The following MACF1 variants were observed in gnomAD, a reference collection of about 807,000 sequenced individuals.
The protein encoded by MACF1 is microtubule actin crosslinking factor 1, also known as microtubule-actin cross-linking factor 1.
MACF1 carries 193 observed loss-of-function variants against 854.8 expected under a neutral mutation model. The observed-to-expected ratio is 0.23, with a 90% CI of 0.20 to 0.25. MACF1 has a LOEUF of 0.25. Among genes scored for constraint, MACF1 ranks in the 10% least tolerant of loss-of-function variants. The pLI is 1.00. For missense variants in MACF1, 7,722 were observed against 8,929.1 expected (o/e 0.86, Z 5.45); for synonymous variants, 3,185 against 3,226.7 (o/e 0.99, Z 0.44).
chr1:39,168,171 A>G (rs1643901788), intron 2 of MACF1, among the ~76,000 whole-genome samples: 1 of 151,752 alleles, frequency 6.6e-6, no homozygotes, highest in Non-Finnish European at 1.5e-5. Context: ...TCTCTTGTCT[A>G]CTCTCCCTGG....
Position 39,379,190 on chromosome 1 carries a change from T to G in MACF1, c.13277-13T>G, listed in dbSNP as rs1327800062. 6.4e-7 allele frequency: 1 copy of G among 1,557,618 alleles called. No homozygotes were observed. The highest frequency in any genetic ancestry group is 1.2e-5 in the South Asian group (1 of 82,030). On this transcript the variant is annotated splice_polypyrimidine_tract_variant and intron_variant, in intron 53 of 100. Transcript: ENST00000564288. ...AGCTGTCTCCAATCTGATTTCTGTT[T>G]CTATGATACTAGATCTGACGGAGAT...
intron 14 of MACF1, among the ~76,000 whole-genome samples, chr1:39,286,413 A>T (rs1227630888): frequency 2.0e-5 from 3 of 152,174 alleles, no homozygotes; most frequent in Non-Finnish European, 2.9e-5. Context: ...ATAGGGGGGA[A>T]AATTGAGACC....
intron 23 of MACF1, among the ~76,000 whole-genome samples, chr1:39,304,703 A>G (rs1298746463): frequency 2.0e-5 from 3 of 151,270 alleles, no homozygotes; most frequent in Non-Finnish European, 4.4e-5. Context: ...AGCTGGGACT[A>G]CAGGCGCCCG....
rs1455151321 is a variant in MACF1, at chr1:39,447,584, C to T, written c.19758C>T (p.His6586=). 2 of 1,613,962 alleles carry T rather than the reference C, an allele frequency of 1.2e-6. No individual in the cohort carries two copies. Among genetic ancestry groups the T allele is most frequent in the Admixed American group, 3.3e-5 (2 of 60,002 alleles). ...CTGTCCTTTCCCAGATAGAAGAGCA[C>T]AAGGTAAGTATGATATTATGATGCT... ...LNTVLSQIEE[H]KVFANEVNAH... Residue 6586 remains histidine, a synonymous_variant, in exon 81 of 101, where the codon CAC becomes CAT. Transcript: ENST00000564288.
chr1:39,440,309 T>C (rs116414728), intron 72 of MACF1, among the ~76,000 whole-genome samples: 2,514 of 151,842 alleles, frequency 0.017, 77 homozygotes, highest in African/African-American at 0.058. Flanking sequence ...TTTCACCATG[T>C]TGCCCAGGCT....
intron 68 of MACF1, among the ~76,000 whole-genome samples, chr1:39,434,165 A>G (rs920802898): frequency 1.3e-5 from 2 of 152,106 alleles, no homozygotes; most frequent in African/African-American, 2.4e-5. Flanking sequence ...TTCTTATACT[A>G]TTTTACTGCT....
chr1:39,212,646 A>G (rs1644530456), intron 1 of MACF1, among the ~76,000 whole-genome samples: 1 of 152,080 alleles, frequency 6.6e-6, no homozygotes, highest in African/African-American at 2.4e-5. Context: ...ATTTTGAGAC[A>G]TAGTCTCATT....
intron 76 of MACF1, 25 bp from the exon 77 acceptor site, chr1:39,442,387 T>A (rs1644137674): frequency 6.2e-7 from 1 of 1,610,774 alleles, no homozygotes; most frequent in Non-Finnish European, 8.5e-7. Context: ...TATTGAATAT[T>A]CCCTTTCTGT....
intron 69 of MACF1, among the ~76,000 whole-genome samples, 156 bp downstream of exon 69, chr1:39,434,788 T>C (rs1398899948): frequency 6.6e-6 from 1 of 152,264 alleles, no homozygotes. Flanking sequence ...ATCTGAATTA[T>C]TTCCTTGGTT....
At chr1:39,119,866 A>C (rs1349908880) in intron 2 of MACF1, among the ~76,000 whole-genome samples, 1 of 141,258 alleles carries the variant, frequency 7.1e-6, no homozygotes, top group East Asian at 2.1e-4. Context: ...GAATATAATA[A>C]AGCCTCTTTT....
At chr1:39,276,170 T>G (rs1645433008) in intron 6 of MACF1, among the ~76,000 whole-genome samples, 1 of 152,160 alleles carries the variant, frequency 6.6e-6, no homozygotes, top group South Asian at 2.1e-4. Flanking sequence ...TCCTCTTGCC[T>G]ATGCCTCCCA....
At position 39,309,715 on chromosome 1, in the gene MACF1, C is replaced by T; in HGVS notation, c.2916+19C>T. On this transcript the variant is annotated intron_variant, in intron 24 of 100. Transcript: ENST00000564288. ...AGAAAAGGTAATTATGAAAACCTTA[C>T]CCCAGGCTTACATTCCATTGGCAAG... 1.9e-6 allele frequency: 3 copies of T among 1,601,296 alleles called. No homozygotes were observed. The highest frequency in any genetic ancestry group is 2.6e-6 in the Non-Finnish European group (3 of 1,176,042).
intron 17 of MACF1, 42 bp downstream of exon 17, chr1:39,292,885 T>A: frequency 1.3e-6 from 2 of 1,509,240 alleles, no homozygotes; most frequent in Non-Finnish European, 9.1e-7. Context: ...TCATAGAGTC[T>A]GGTTCCCCCC....
intron 2 of MACF1, among the ~76,000 whole-genome samples, chr1:39,136,917 GT>G (rs1643187462): frequency 6.6e-6 from 1 of 152,086 alleles, no homozygotes; most frequent in African/African-American, 2.4e-5. Context: ...ACTTTTACTT[GT>G]TTCTTGGAAG....
At chr1:39,437,740 G>A (rs1479568846) in intron 70 of MACF1, 37 bp from the exon 71 acceptor site, 2 of 1,387,502 alleles carry the variant, frequency 1.4e-6, no homozygotes, top group East Asian at 2.3e-5. Flanking sequence ...AGAGTGATGA[G>A]GTATGCTGTG....
chr1:39,313,221 G>A (rs1333592217), intron 26 of MACF1, among the ~76,000 whole-genome samples: 2 of 152,088 alleles, frequency 1.3e-5, no homozygotes, highest in African/African-American at 4.8e-5. Flanking sequence ...TGTGTCCTTG[G>A]TATATTAGTG....
intron 2 of MACF1, among the ~76,000 whole-genome samples, chr1:39,180,817 C>T (rs1426438281): frequency 6.6e-6 from 1 of 152,126 alleles, no homozygotes; most frequent in African/African-American, 2.4e-5. Context: ...GGCTAAGTCT[C>T]TTTTTCTTAG....
chr1:39,311,095 T>C, intron 26 of MACF1, 95 bp downstream of exon 26: 3 of 1,366,698 alleles, frequency 2.2e-6, no homozygotes, highest in Non-Finnish European at 3.0e-6. Context: ...AATGAGGCAA[T>C]AGACTCAAGA....
At chr1:39,375,209 A>C (rs935249534) in intron 52 of MACF1, among the ~76,000 whole-genome samples, 1 of 152,164 alleles carries the variant, frequency 6.6e-6, no homozygotes, top group Non-Finnish European at 1.5e-5. Flanking sequence ...CTGTTATGAA[A>C]TCCATCAGTA....
Sources: allele counts gnomAD v4.1 joint callset (sites outside exome capture counted in the v4.1 genomes callset), GRCh38; gene constraint gnomAD v4.1.1; transcripts MANE v1.5; gene names NCBI Gene and HGNC (gene_info 2026-07-23, HGNC 2026-07-21).